The following SPPL2A variants were observed in gnomAD, a reference collection of about 807,000 sequenced individuals.
SPPL2A encodes signal peptide peptidase like 2A.
SPPL2A carries 51 observed loss-of-function variants against 63.8 expected under a neutral mutation model. That is an observed-to-expected ratio of 0.80 (90% CI 0.64 to 1.01). The LOEUF (loss-of-function observed/expected upper bound fraction) is 1.01. Among genes scored for constraint, SPPL2A ranks in the 50% least tolerant of loss-of-function variants. The probability of loss-of-function intolerance (pLI) is 0.00; values close to 1 mark genes in which losing one functional copy is unlikely to be tolerated. For synonymous variants in SPPL2A, 188 were observed against 205.8 expected, an observed-to-expected ratio of 0.91 and a Z score of 0.74; for missense variants, 553 against 622.7, an observed-to-expected ratio of 0.89 and a Z score of 1.19.
chr15:50,725,318 T>C lies in SPPL2A; in HGVS notation c.1152A>G (p.Pro384=), dbSNP rs1429447192. The C allele has an allele frequency of 6.5e-7, 1 of 1,548,916 alleles. No homozygotes were observed. The change falls in exon 12 of 15, where the codon CCA becomes CCG. Residue 384 remains proline (P), a synonymous_variant. Coordinates refer to ENST00000261854, the MANE Select transcript of SPPL2A (RefSeq NM_032802.4). The part of the protein sequence containing the change: ...AGPFGNNEKL[P]VVIRVPKLIY... ...TCAGTTTTGGTACTCTGATGACTAC[T>C]GGCAACTGTTCAAAAACAAAACAAA...
rs751404155 is a variant in SPPL2A, at chr15:50,722,188, T to C, written c.1263A>G (p.Ala421=). ...GDIIVPGLLI[A]YCRRFDVQTG... is the part of the protein sequence containing the mutation. Reference sequence around the variant, plus strand: ...TCTGAACATCAAATCTTCTACAGTATGCAATCAACAGGCCTTAAAAACAAA... The same window carrying C: ...TCTGAACATCAAATCTTCTACAGTACGCAATCAACAGGCCTTAAAAACAAA... The change falls in exon 13 of 15, where the codon GCA becomes GCG. Residue 421 remains alanine (A), a synonymous_variant. Coordinates refer to ENST00000261854, the MANE Select transcript of SPPL2A (RefSeq NM_032802.4). The C allele has an allele frequency of 4.4e-6, 7 of 1,590,618 alleles. No individual in the cohort carries two copies. The highest frequency in any genetic ancestry group is 6.0e-6 in the Non-Finnish European group (7 of 1,162,430).
intron 12 of SPPL2A, among the ~76,000 whole-genome samples, chr15:50,723,863 T>C (rs1029194010): frequency 2.6e-5 from 4 of 152,238 alleles, no homozygotes; most frequent in South Asian, 2.1e-4. Flanking sequence ...CCTTTTCTTC[T>C]TCCCAAAGAA....
Position 50,753,865 on chromosome 15 carries a change from C to T in SPPL2A, c.67-4119G>A, listed in dbSNP as rs998717926. 7.2e-5 allele frequency among the ~76,000 whole-genome samples: 11 copies of T among 152,108 alleles called. No homozygotes were observed. The East Asian group carries it at 1.2e-3, about 16-fold the overall frequency. ...AGGCTGGAGTGCAATGGCGTGATCT[C>T]GGCTCACTGCAATCTCCGCCTCCCG... On this transcript the variant is annotated intron_variant, in intron 1 of 14. Transcript: ENST00000261854.
intron 14 of SPPL2A, among the ~76,000 whole-genome samples, chr15:50,714,959 A>C (rs898393386): frequency 6.6e-6 from 1 of 151,148 alleles, no homozygotes; most frequent in Non-Finnish European, 1.5e-5. Flanking sequence ...CGCCCAAAAA[A>C]TTTTTCTCAA....
chr15:50,765,213 G>A (rs2063047426), intron 1 of SPPL2A, among the ~76,000 whole-genome samples: 1 of 151,998 alleles, frequency 6.6e-6, no homozygotes, highest in Non-Finnish European at 1.5e-5. Context: ...TTTTGCGGTA[G>A]GTATTTCGCC....
intron 5 of SPPL2A, among the ~76,000 whole-genome samples, chr15:50,745,410 A>G (rs1414663992): frequency 2.0e-5 from 3 of 149,810 alleles, no homozygotes; most frequent in Non-Finnish European, 3.0e-5. Flanking sequence ...CTCAGCCTCC[A>G]AAGAGCTGGG....
At position 50,736,160 on chromosome 15, in the gene SPPL2A, A is replaced by T; in HGVS notation, c.873T>A (p.Phe291Leu). The T allele has an allele frequency of 1.2e-6, 2 of 1,613,412 alleles. No homozygotes were observed. The highest frequency in any genetic ancestry group is 1.7e-6 in the Non-Finnish European group (2 of 1,179,658). Residue 291 changes from phenylalanine (F) to leucine (L), a missense_variant, in exon 8 of 15, where the codon TTT becomes TTA. Coordinates refer to ENST00000261854, the MANE Select transcript of SPPL2A (RefSeq NM_032802.4). ...CTACTGCTATGCACAGTCCAGAGAG[A>T]AAAATAAGTCTCACTTCCATGTTTT... ...RGKNMEVRLI[F>L]LSGLCIAVAV...
At chr15:50,753,250 G>A (rs773221640) in intron 1 of SPPL2A, among the ~76,000 whole-genome samples, 4 of 152,066 alleles carry the variant, frequency 2.6e-5, no homozygotes, top group Non-Finnish European at 5.9e-5. Context: ...ATGTATCTGT[G>A]CATTTATATG....
intron 14 of SPPL2A, among the ~76,000 whole-genome samples, chr15:50,708,540 T>C (rs1435691458): frequency 6.6e-6 from 1 of 151,702 alleles, no homozygotes; most frequent in Non-Finnish European, 1.5e-5. Context: ...ACCCCGTCTC[T>C]AATAAAAATA....
At chr15:50,731,859 C>T (rs1390412438) in intron 9 of SPPL2A, among the ~76,000 whole-genome samples, 3 of 132,978 alleles carry the variant, frequency 2.3e-5, no homozygotes, top group African/African-American at 8.6e-5. Flanking sequence ...GCTCAGAAGG[C>T]GGAGGCTGCA....
chr15:50,761,035 T>C (rs1158682441), intron 1 of SPPL2A, among the ~76,000 whole-genome samples: 1 of 151,886 alleles, frequency 6.6e-6, no homozygotes, highest in Non-Finnish European at 1.5e-5. Flanking sequence ...TTTAGAGACA[T>C]GGTCTTCTCT....
Position 50,703,778 on chromosome 15 carries a change from T to A in SPPL2A, c.*4022A>T, listed in dbSNP as rs890401841. 1 of 152,124 alleles carries A rather than the reference T, an allele frequency of 6.6e-6. No individual in the cohort carries two copies. Among genetic ancestry groups the A allele is most frequent in the African/African-American group, 2.4e-5 (1 of 41,424 alleles). The allele number at this position is 152,124 out of a possible 1,614,324, so 9.4% of individuals were successfully genotyped here. ...GCTTATTTCACATTGCATACCTGTA[T>A]CAAAACATCTCATGCACTCCATAAA... On this transcript the variant is annotated 3_prime_UTR_variant, in exon 15 of 15. Coordinates refer to ENST00000261854, the MANE Select transcript of SPPL2A (RefSeq NM_032802.4).
rs556597764 is a variant in SPPL2A, at chr15:50,709,682, C to T, written c.1489-1808G>A. ...GTGCGCCTGTAATCCCAAACCTACTCGGGAGACTGAGGTGGGAGAATTGCT... is the reference window on the plus strand; with the variant it reads ...GTGCGCCTGTAATCCCAAACCTACTTGGGAGACTGAGGTGGGAGAATTGCT... On this transcript the variant is annotated intron_variant, in intron 14 of 14. Coordinates refer to ENST00000261854, the MANE Select transcript of SPPL2A (RefSeq NM_032802.4). 6.6e-5 allele frequency among the ~76,000 whole-genome samples: 10 copies of T among 151,960 alleles called. No individual in the cohort carries two copies. The South Asian group carries it at 1.9e-3, about 29-fold the overall frequency.
chr15:50,737,529 C>T (rs952614213), intron 6 of SPPL2A, among the ~76,000 whole-genome samples: 2 of 152,018 alleles, frequency 1.3e-5, no homozygotes, highest in Admixed American at 6.6e-5. Flanking sequence ...CTTGGCTCAC[C>T]GCAACCTCCG....
chr15:50,723,702 C>A (rs1355993246), intron 12 of SPPL2A, among the ~76,000 whole-genome samples: 1 of 152,194 alleles, frequency 6.6e-6, no homozygotes, highest in Non-Finnish European at 1.5e-5. Context: ...TCTTGAACTC[C>A]TGTCCTCAAG....
At chr15:50,754,687 T>C (rs931681336) in intron 1 of SPPL2A, among the ~76,000 whole-genome samples, 3 of 152,184 alleles carry the variant, frequency 2.0e-5, no homozygotes, top group Non-Finnish European at 4.4e-5. Context: ...AAAACTTTAA[T>C]AGTTTTTAAG....
At chr15:50,757,176 GGA>G (rs2062966009) in intron 1 of SPPL2A, among the ~76,000 whole-genome samples, 1 of 148,538 alleles carries the variant, frequency 6.7e-6, no homozygotes, top group Non-Finnish European at 1.5e-5. Flanking sequence ...TCCGCCTCTG[GGA>G]TTCACGCCAT....
intron 14 of SPPL2A, among the ~76,000 whole-genome samples, chr15:50,719,417 T>G (rs930473986): frequency 6.6e-6 from 1 of 152,154 alleles, no homozygotes; most frequent in African/African-American, 2.4e-5. Context: ...GCTAATTTTT[T>G]GTATTTTTAG....
At position 50,705,034 on chromosome 15, in the gene SPPL2A, A is replaced by C. The variant is rs2062498139; in HGVS notation, c.*2766T>G. Reference sequence around the variant, plus strand: ...ATTACTACTCCAGTTATATGAAACCAAATTATTTTGAGAAATTATCTTATT... The same window carrying C: ...ATTACTACTCCAGTTATATGAAACCCAATTATTTTGAGAAATTATCTTATT... On this transcript the variant is annotated 3_prime_UTR_variant, in exon 15 of 15. Transcript: ENST00000261854. 1 of 152,164 alleles carries C rather than the reference A, an allele frequency of 6.6e-6. No homozygotes were observed. The allele number at this position is 152,164 out of a possible 1,614,324, so 9.4% of individuals were successfully genotyped here.
Sources: gnomAD v4.1 joint callset for allele counts (sites outside exome capture counted in the v4.1 genomes callset) on GRCh38, gnomAD v4.1.1 for gene constraint, MANE v1.5 for transcripts, NCBI Gene and HGNC (gene_info 2026-07-23, HGNC 2026-07-21) for gene names.